Variants in GLYCTK observed in about 807,000 individuals in gnomAD.
GLYCTK encodes glycerate kinase.
Under a neutral mutation model 24.8 loss-of-function variants are expected in GLYCTK, and 22 were observed. That is an observed-to-expected ratio of 0.89 (90% CI 0.63 to 1.27). The LOEUF is 1.27. Ranked by LOEUF, GLYCTK falls within the 50% of genes most tolerant of loss-of-function variation. GLYCTK has a pLI of 0.00. For missense variants in GLYCTK, 684 were observed against 686.7 expected (o/e 1.00, Z 0.04); for synonymous variants, 320 against 297.2 (o/e 1.08, Z -0.79).
At chr3:52,290,870 T>C (rs1196045965) in intron 2 of GLYCTK, 90 bp from the exon 3 acceptor site, 2 of 1,588,250 alleles carry the variant, frequency 1.3e-6, no homozygotes, top group African/African-American at 2.7e-5. Context: ...GGCATCTTCG[T>C]TCATGCCCCC....
In GLYCTK at chr3:52,291,010, AGGACAACCTCCC is replaced by A; in HGVS notation, c.433_444del (p.Asn145_Asp148del). The A allele has an allele frequency of 6.2e-7, 1 of 1,614,018 alleles. No individual in the cohort carries two copies. The highest frequency in any genetic ancestry group is 1.1e-5 in the South Asian group (1 of 91,086). ...CGTGTCCAGGTATTCGAGGGTGCGG[AGGACAACCTCCC>A]GGACCGCGATGCGCTGCGGGCTGCA... On this transcript the variant is annotated inframe_deletion, in exon 3 of 5. Coordinates refer to ENST00000436784, the MANE Select transcript of GLYCTK (RefSeq NM_145262.4).
chr3:52,291,358 A>G (rs1324601064), intron 3 of GLYCTK: 2 of 598,620 alleles, frequency 3.3e-6, no homozygotes, highest in Non-Finnish European at 6.0e-6. Flanking sequence ...GGGAGCACAT[A>G]ATGCAGGGCC....
In GLYCTK at chr3:52,291,858, C is replaced by T. The variant is rs1311457564; in HGVS notation, c.641C>T (p.Thr214Ile). The change falls in exon 4 of 5, where the codon ACC becomes ATC. Residue 214 changes from threonine (T) to isoleucine (I), a missense_variant. Coordinates refer to ENST00000436784, the MANE Select transcript of GLYCTK (RefSeq NM_145262.4). ...GGAGCCACCATCCAGGAGTTGAACACCATTCGGAAGGCCCTGTCCCAGCTC... is the reference window on the plus strand; with the variant it reads ...GGAGCCACCATCCAGGAGTTGAACATCATTCGGAAGGCCCTGTCCCAGCTC... Reference protein sequence around the residue: ...ARGATIQELNTIRKALSQLKG... With the variant: ...ARGATIQELNIIRKALSQLKG... 4.3e-6 allele frequency: 7 copies of T among 1,613,844 alleles called. No individual in the cohort carries two copies. The highest frequency in any genetic ancestry group is 5.9e-6 in the Non-Finnish European group (7 of 1,180,026).
At position 52,291,928 on chromosome 3, in the gene GLYCTK, A is replaced by G. The variant is rs1387225915; in HGVS notation, c.705+6A>G. On this transcript the variant is annotated splice_donor_region_variant and intron_variant, in intron 4 of 4. Transcript: ENST00000436784. ...AGGCCGCCTACCCTGCCCAGGTATGAGTCCCTTCTTCCCCAGGCAACCTTG... is the reference window on the plus strand; with the variant it reads ...AGGCCGCCTACCCTGCCCAGGTATGGGTCCCTTCTTCCCCAGGCAACCTTG... The G allele has an allele frequency of 1.2e-6, 2 of 1,610,358 alleles. No individual in the cohort carries two copies.
At position 52,294,705 on chromosome 3, in the gene GLYCTK, C is replaced by A; in HGVS notation, c.*1579C>A. The A allele has an allele frequency of 2.3e-6, 1 of 442,598 alleles. No individual in the cohort carries two copies. The allele number at this position is 442,598 out of a possible 1,614,324, so 27.4% of individuals were successfully genotyped here. ...CGTGGTGCTCCTCTGGCAGCGTCTA[C>A]ATGTAGCCTGTTCCTGCCTCAGTCC... On this transcript the variant is annotated 3_prime_UTR_variant, in exon 5 of 5. Transcript: ENST00000436784.
chr3:52,289,787 A>G (rs556972604), intron 1 of GLYCTK, among the ~76,000 whole-genome samples: 39 of 152,224 alleles, frequency 2.6e-4, no homozygotes, highest in Non-Finnish European at 4.3e-4. Context: ...CTCATGAGAT[A>G]ATGAAATAGA....
Position 52,295,090 on chromosome 3 carries a change from C to T in GLYCTK, c.*1964C>T. 1 of 454,052 alleles carries T rather than the reference C, an allele frequency of 2.2e-6. No homozygotes were observed. The highest frequency in any genetic ancestry group is 2.0e-5 in the African/African-American group (1 of 50,102). The allele number at this position is 454,052 out of a possible 1,614,324, so 28.1% of individuals were successfully genotyped here. A position where few individuals can be genotyped will look rare whatever the true frequency, so the allele number is the denominator to read the frequency against. ...GGGCCCGGATTGGACCCCATAGGGC[C>T]AAATGGTCTGTGAGCCTAACCCGTT... On this transcript the variant is annotated 3_prime_UTR_variant, in exon 5 of 5. Transcript: ENST00000436784.
At chr3:52,287,938 C>T (rs1018321406) in intron 1 of GLYCTK, 62 bp downstream of exon 1, 13 of 409,486 alleles carry the variant, frequency 3.2e-5, no homozygotes, top group Non-Finnish European at 6.5e-5. Context: ...TGGGCGATGA[C>T]GGGTCCTGGT....
At chr3:52,290,283 A>T in intron 1 of GLYCTK, 21 bp from the exon 2 acceptor site, 1 of 1,570,438 alleles carries the variant, frequency 6.4e-7, no homozygotes, top group Non-Finnish European at 8.6e-7. Context: ...CAAGGGCCTC[A>T]GTTGTGCTTT....
chr3:52,290,114 A>G, intron 1 of GLYCTK, 190 bp from the exon 2 acceptor site: 1 of 583,146 alleles, frequency 1.7e-6, no homozygotes, highest in Non-Finnish European at 3.0e-6. Context: ...GCTGGGTGGC[A>G]GGGCTGGTCT....
At chr3:52,291,965 C>T (rs970707422) in intron 4 of GLYCTK, 43 bp downstream of exon 4, 33 of 1,574,260 alleles carry the variant, frequency 2.1e-5, no homozygotes, top group Non-Finnish European at 2.9e-5. Context: ...GTTGGTGGAG[C>T]CAGGCCCACA....
At chr3:52,288,872 C>T (rs1249163774) in intron 1 of GLYCTK, 1 of 152,190 alleles carries the variant, frequency 6.6e-6, no homozygotes, top group Non-Finnish European at 1.5e-5. Context: ...TGACGATGCC[C>T]TCTGTGTTCC....
chr3:52,288,367 A>G (rs77706893), intron 1 of GLYCTK, among the ~76,000 whole-genome samples: 1 of 151,508 alleles, frequency 6.6e-6, no homozygotes, highest in Non-Finnish European at 1.5e-5. Flanking sequence ...CGCCCACCAC[A>G]CCCGGCTAAT....
intron 3 of GLYCTK, 136 bp from the exon 4 acceptor site, chr3:52,291,611 T>C: frequency 1.3e-6 from 1 of 778,398 alleles, no homozygotes. Flanking sequence ...ACTGTACACA[T>C]ATTGCATATC....
intron 2 of GLYCTK, 87 bp downstream of exon 2, chr3:52,290,806 C>T (rs1700441955): frequency 1.3e-6 from 2 of 1,581,890 alleles, no homozygotes; most frequent in African/African-American, 2.7e-5. Context: ...CTCCCCTCCC[C>T]ACCCGCTTCC....
In GLYCTK at chr3:52,292,876, C is replaced by G. The variant is rs751088590; in HGVS notation, c.1322C>G (p.Pro441Arg). Residue 441 changes from proline (P) to arginine (R), a missense_variant, in exon 5 of 5, where the codon CCG becomes CGG. By Grantham distance (103) the Pro-to-Arg change is moderately radical. Transcript: ENST00000436784. Reference protein sequence around the residue: ...GAELRRWPLGPIDVLFLSGGT... With the variant: ...GAELRRWPLGRIDVLFLSGGT... Reference sequence around the variant, plus strand: ...GAGTTGAGAAGGTGGCCGCTGGGGCCGATAGATGTGCTGTTTTTGAGCGGT... The same window carrying G: ...GAGTTGAGAAGGTGGCCGCTGGGGCGGATAGATGTGCTGTTTTTGAGCGGT... 1.9e-6 allele frequency: 3 copies of G among 1,613,872 alleles called. No individual in the cohort carries two copies. Among genetic ancestry groups the G allele is most frequent in the Non-Finnish European group, 2.5e-6 (3 of 1,179,996 alleles).
In GLYCTK at chr3:52,294,212, C is replaced by T. The variant is rs372648028; in HGVS notation, c.*1086C>T. 1.1e-5 allele frequency: 6 copies of T among 534,606 alleles called. No homozygotes were observed. The highest frequency in any genetic ancestry group is 3.9e-5 in the Admixed American group (2 of 51,592). The allele number at this position is 534,606 out of a possible 1,614,324, so 33.1% of individuals were successfully genotyped here. ...CCCCTTGCTCAGTGTCAGAACCCTC[C>T]GCTGGCTGTCCCCGCCGTGCGCCAC... On this transcript the variant is annotated 3_prime_UTR_variant, in exon 5 of 5. Transcript: ENST00000436784.
chr3:52,292,614 G>C lies in GLYCTK; in HGVS notation c.1060G>C (p.Val354Leu), dbSNP rs1700517472. The stretch of plus-strand genomic sequence containing the variant: ...CCAGTTCTACGGGCTGCTGGCCCAT[G>C]TGGCTAGAACCCGCCTCACCCCATC... ...MAQFYGLLAH[V>L]ARTRLTPSMA... The change falls in exon 5 of 5, where the codon GTG (valine) becomes CTG (leucine). Residue 354 changes from valine to leucine, a missense_variant. Physicochemically the swap from Val to Leu is conservative, Grantham distance 32 (BLOSUM62 1). Coordinates refer to ENST00000436784, the MANE Select transcript of GLYCTK (RefSeq NM_145262.4). 1 of 1,613,218 alleles carries C rather than the reference G, an allele frequency of 6.2e-7. No homozygotes were observed. Among genetic ancestry groups the C allele is most frequent in the South Asian group, 1.1e-5 (1 of 91,020 alleles).
rs868481557 is a variant in GLYCTK at position 52,290,811 on chromosome 3, G to A, written c.377+92G>A. 3.4e-4 allele frequency: 537 copies of A among 1,580,612 alleles called. No individual in the cohort carries two copies. In the Middle Eastern group the frequency reaches 4.5e-3, roughly 13 times the overall value. On this transcript the variant is annotated intron_variant, in intron 2 of 4. Coordinates refer to ENST00000436784, the MANE Select transcript of GLYCTK (RefSeq NM_145262.4). ...TGAATCGGGCCTCCCCTCCCCACCC[G>A]CTTCCCATTTCTCCTGGATCTGGCC...
Sources: allele counts gnomAD v4.1 joint callset (sites outside exome capture counted in the v4.1 genomes callset), GRCh38; gene constraint gnomAD v4.1.1; transcripts MANE v1.5; gene names NCBI Gene and HGNC (gene_info 2026-07-23, HGNC 2026-07-21).